Variants in HHIP observed in about 807,000 individuals in gnomAD.
The protein encoded by HHIP is hedgehog interacting protein.
HHIP carries 12 observed loss-of-function variants against 74.0 expected under a neutral mutation model. That is an observed-to-expected ratio of 0.16 (90% CI 0.10 to 0.26). The LOEUF (loss-of-function observed/expected upper bound fraction) is 0.26, where lower values mean the gene tolerates loss of function less well. HHIP is among the 10% of genes least tolerant of loss of function. The probability of loss-of-function intolerance (pLI) is 1.00; values close to 1 mark genes in which losing one functional copy is unlikely to be tolerated. For synonymous variants in HHIP, 309 were observed against 311.6 expected (o/e 0.99, Z 0.09); for missense variants, 788 against 845.0 (o/e 0.93, Z 0.84).
In HHIP at chr4:144,646,937, G is replaced by A; in HGVS notation, c.262G>A (p.Gly88Arg). ...CCTGCGGAGTGACAGCCCGGGGCTAGGGCGCCTGGAGAATAAGGTAGGCAC... is the reference window on the plus strand; with the variant it reads ...CCTGCGGAGTGACAGCCCGGGGCTAAGGCGCCTGGAGAATAAGGTAGGCAC... ...CCLRSDSPGL[G>R]RLENKIFSVT... The change falls in exon 1 of 13, where the codon GGG becomes AGG. Residue 88 changes from glycine (G) to arginine (R), a missense_variant. Gly to Arg is a moderately radical substitution (Grantham distance 125). Transcript: ENST00000296575. The A allele has an allele frequency of 1.2e-6, 2 of 1,610,454 alleles. No homozygotes were observed. Among genetic ancestry groups the A allele is most frequent in the Non-Finnish European group, 1.7e-6 (2 of 1,177,718 alleles).
At chr4:144,675,643 T>C (rs1729150927) in intron 4 of HHIP, among the ~76,000 whole-genome samples, 4 of 152,164 alleles carry the variant, frequency 2.6e-5, no homozygotes, top group Admixed American at 1.3e-4. Context: ...TTAACTATAA[T>C]TGTACTATTT....
chr4:144,648,403 G>A (rs999142606), intron 1 of HHIP: 5 of 152,214 alleles, frequency 3.3e-5, no homozygotes, highest in Admixed American at 1.3e-4. Context: ...TCCCAGATGA[G>A]TGAGAACTGT....
At chr4:144,660,274 A>C (rs540554650) in intron 4 of HHIP, 1 of 196,480 alleles carries the variant, frequency 5.1e-6, no homozygotes, top group African/African-American at 2.3e-5. Context: ...CTTATACTAC[A>C]ACTTCCTTGT....
chr4:144,674,330 C>T (rs1219060237), intron 4 of HHIP, among the ~76,000 whole-genome samples: 1 of 152,172 alleles, frequency 6.6e-6, no homozygotes, highest in Non-Finnish European at 1.5e-5. Flanking sequence ...GCCATCTCTG[C>T]TTAATGTTAA....
chr4:144,705,409 A>G (rs1373654325), intron 4 of HHIP, among the ~76,000 whole-genome samples: 1 of 152,172 alleles, frequency 6.6e-6, no homozygotes, highest in Non-Finnish European at 1.5e-5. Flanking sequence ...AGAAGGAATA[A>G]CTTCTCATAG....
chr4:144,669,955 C>T (rs181263890), intron 4 of HHIP, among the ~76,000 whole-genome samples: 5 of 142,142 alleles, frequency 3.5e-5, no homozygotes, highest in African/African-American at 1.3e-4. Flanking sequence ...TCCTGACAAA[C>T]ATGGAAAAAC....
chr4:144,732,210 G>C (rs1227302991), intron 11 of HHIP, among the ~76,000 whole-genome samples: 1 of 152,014 alleles, frequency 6.6e-6, no homozygotes, highest in Non-Finnish European at 1.5e-5. Flanking sequence ...AAAAGAGAGA[G>C]GATTGATTTA....
chr4:144,696,392 G>A (rs1281848178), intron 4 of HHIP, among the ~76,000 whole-genome samples: 1 of 151,618 alleles, frequency 6.6e-6, no homozygotes, highest in Non-Finnish European at 1.5e-5. Context: ...AAGTTAAAAT[G>A]ACTAAATCAT....
At chr4:144,717,406 G>A (rs572344575) in intron 10 of HHIP, among the ~76,000 whole-genome samples, 5 of 152,162 alleles carry the variant, frequency 3.3e-5, no homozygotes, top group East Asian at 3.9e-4. Context: ...TTGTGCCTAC[G>A]TTTTTAGTAC....
intron 11 of HHIP, among the ~76,000 whole-genome samples, chr4:144,721,923 T>C (rs1211976604): frequency 6.8e-6 from 1 of 147,848 alleles, no homozygotes; most frequent in East Asian, 2.0e-4. Flanking sequence ...AAAAAGCAAC[T>C]TCCGAGGAAA....
At chr4:144,673,568 A>G (rs901627095) in intron 4 of HHIP, among the ~76,000 whole-genome samples, 1 of 152,194 alleles carries the variant, frequency 6.6e-6, no homozygotes, top group African/African-American at 2.4e-5. Context: ...AAGGGGGGAA[A>G]ATATGATTAT....
At chr4:144,684,232 A>ATTTTTTTTTT (rs1174297815) in intron 4 of HHIP, among the ~76,000 whole-genome samples, 9 of 63,010 alleles carry the variant, frequency 1.4e-4, no homozygotes, top group East Asian at 4.7e-4. Context: ...AAAAAAAAGA[A>ATTTTTTTTTT]TTTTTTTTTT....
At chr4:144,656,775 CAA>C (rs1266415161) in intron 2 of HHIP, among the ~76,000 whole-genome samples, 1 of 152,010 alleles carries the variant, frequency 6.6e-6, no homozygotes, top group Non-Finnish European at 1.5e-5. Context: ...CAAAACTGTG[CAA>C]AGAGTTTGAT....
chr4:144,696,661 T>C (rs1246951033), intron 4 of HHIP, among the ~76,000 whole-genome samples: 1 of 151,994 alleles, frequency 6.6e-6, no homozygotes, highest in Non-Finnish European at 1.5e-5. Flanking sequence ...GCTACTTCTA[T>C]TTAAGCATTT....
rs200900786 is a variant in HHIP, at chr4:144,646,611, C to T, written c.-65C>T. 3.9e-6 allele frequency: 6 copies of T among 1,527,406 alleles called. No homozygotes were observed. In the African/African-American group the frequency reaches 6.9e-5, roughly 18 times the overall value. The allele number at this position is 1,527,406 out of a possible 1,614,324, so 94.6% of individuals were successfully genotyped here. A position where few individuals can be genotyped will look rare whatever the true frequency, so the allele number is the denominator to read the frequency against. ...TCCTCCTGGAGCTGCGCCCTAGTGC[C>T]CCTGCTGGGCAGTGGCGTTCCCCCC... On this transcript the variant is annotated 5_prime_UTR_variant, in exon 1 of 13. Coordinates refer to ENST00000296575, the MANE Select transcript of HHIP (RefSeq NM_022475.3).
chr4:144,708,422 C>G, intron 7 of HHIP, 111 bp downstream of exon 7: 2 of 1,042,402 alleles, frequency 1.9e-6, no homozygotes, highest in South Asian at 1.5e-5. Context: ...AAGGTAGTAT[C>G]TAAGGCCATG....
rs543166810 is a variant in HHIP, at chr4:144,743,790, C to T, written c.*5833C>T. 1 of 152,064 alleles carries T rather than the reference C, an allele frequency of 6.6e-6. No individual in the cohort carries two copies. The highest frequency in any genetic ancestry group is 1.9e-4 in the East Asian group (1 of 5,174). The allele number at this position is 152,064 out of a possible 1,614,324, so 9.4% of individuals were successfully genotyped here. A position where few individuals can be genotyped will look rare whatever the true frequency, so the allele number is the denominator to read the frequency against. On this transcript the variant is annotated 3_prime_UTR_variant, in exon 13 of 13. Transcript: ENST00000296575. ...TCATAATGGCTAAATATGAAATAAG[C>T]TTTGTCTTTGCAGTTACAAACTAAT...
At chr4:144,682,302 G>A (rs1446175610) in intron 4 of HHIP, among the ~76,000 whole-genome samples, 1 of 152,208 alleles carries the variant, frequency 6.6e-6, no homozygotes, top group Non-Finnish European at 1.5e-5. Flanking sequence ...GGATAACAAT[G>A]CCTGCTGGTT....
intron 4 of HHIP, among the ~76,000 whole-genome samples, chr4:144,693,859 T>C (rs901215142): frequency 6.6e-6 from 1 of 151,898 alleles, no homozygotes; most frequent in Non-Finnish European, 1.5e-5. Flanking sequence ...TTAGTTTTTA[T>C]TCAGAATTAA....
Sources: allele counts gnomAD v4.1 joint callset (sites outside exome capture counted in the v4.1 genomes callset), GRCh38; gene constraint gnomAD v4.1.1; transcripts MANE v1.5; gene names NCBI Gene and HGNC (gene_info 2026-07-23, HGNC 2026-07-21).